The following PLD1 variants were observed in gnomAD, a reference collection of about 807,000 sequenced individuals.
PLD1 encodes the protein phospholipase D1.
PLD1 carries 112 observed loss-of-function variants against 137.1 expected under a neutral mutation model. The ratio of observed to expected loss-of-function variants is 0.82; its 90% CI spans 0.70 to 0.96. The LOEUF (loss-of-function observed/expected upper bound fraction) is 0.96. Ranked by LOEUF, PLD1 falls within the 40% of genes least tolerant of loss-of-function variation. PLD1 has a pLI of 0.00. For missense variants in PLD1, 1,321 were observed against 1,342.0 expected (o/e 0.98, Z 0.24); for synonymous variants, 431 against 454.7 (o/e 0.95, Z 0.66).
At chr3:171,803,662 G>A (rs1375305194) in intron 1 of PLD1, among the ~76,000 whole-genome samples, 1 of 152,186 alleles carries the variant, frequency 6.6e-6, no homozygotes, top group Non-Finnish European at 1.5e-5. Flanking sequence ...GGACCTGGGA[G>A]GCGGAAGTTG....
At chr3:171,792,503 G>T in intron 1 of PLD1, 1 of 445,728 alleles carries the variant, frequency 2.2e-6, no homozygotes, top group Non-Finnish European at 4.5e-6. Context: ...AGGTGAGAAG[G>T]GGGCCCTCAG....
chr3:171,625,792 C>T (rs1009581584), intron 23 of PLD1, among the ~76,000 whole-genome samples: 5 of 152,218 alleles, frequency 3.3e-5, no homozygotes, highest in African/African-American at 1.2e-4. Context: ...GCTGAGAGTC[C>T]TGTCTGTTAG....
chr3:171,709,870 T>A (rs1156466916), intron 9 of PLD1, among the ~76,000 whole-genome samples, 161 bp from the exon 10 acceptor site: 1 of 152,182 alleles, frequency 6.6e-6, no homozygotes, highest in Non-Finnish European at 1.5e-5. Flanking sequence ...AAAAATATAT[T>A]CAATATAACA....
chr3:171,600,795 C>T lies in PLD1; in HGVS notation c.*2283G>A, dbSNP rs1463324925. On this transcript the variant is annotated 3_prime_UTR_variant, in exon 27 of 27. Transcript: ENST00000351298. ...TAGAAAAGGAACTTGCCATAGAAAG[C>T]AGTAGTAAGACTTCTTATATGAGAC... 6.6e-6 allele frequency: 1 copy of T among 152,104 alleles called. No individual in the cohort carries two copies. The highest frequency in any genetic ancestry group is 1.5e-5 in the Non-Finnish European group (1 of 68,024). The allele number at this position is 152,104 out of a possible 1,614,324, so 9.4% of individuals were successfully genotyped here. A position where few individuals can be genotyped will look rare whatever the true frequency, so the allele number is the denominator to read the frequency against.
chr3:171,758,744 G>C (rs1370155428), intron 1 of PLD1, among the ~76,000 whole-genome samples: 1 of 152,178 alleles, frequency 6.6e-6, no homozygotes, highest in Non-Finnish European at 1.5e-5. Context: ...AAAACCAGCT[G>C]GCTTTGGCTG....
chr3:171,688,289 T>C (rs1714778945), intron 14 of PLD1, among the ~76,000 whole-genome samples: 1 of 152,222 alleles, frequency 6.6e-6, no homozygotes, highest in Non-Finnish European at 1.5e-5. Flanking sequence ...GTAGGAACTT[T>C]CCAAAAACTG....
At chr3:171,645,104 T>A (rs1369005323) in intron 21 of PLD1, 81 bp from the exon 22 acceptor site, 2 of 902,590 alleles carry the variant, frequency 2.2e-6, no homozygotes, top group Non-Finnish European at 3.7e-6. Flanking sequence ...GCAGTTCACA[T>A]GGTTTTTGAG....
rs541615753 is a variant in PLD1, at chr3:171,633,073, T to C, written c.2593+9767A>G. ...ATGGTTCCTAGCCAGAAAGTAGACA[T>C]TTTGGACAAATGCGAGTGTGGCCTG... is the stretch of plus-strand genomic sequence containing the variant. On this transcript the variant is annotated intron_variant, in intron 23 of 26. Coordinates refer to ENST00000351298, the MANE Select transcript of PLD1 (RefSeq NM_002662.5). Among the ~76,000 whole-genome samples the C allele has an allele frequency of 2.2e-4, 33 of 152,318 alleles. No individual in the cohort carries two copies. In the South Asian group the frequency reaches 6.6e-3, roughly 31 times the overall value.
In PLD1 at chr3:171,767,579, A is replaced by C. The variant is rs574645741; in HGVS notation, c.-31-29497T>G. On this transcript the variant is annotated intron_variant, in intron 1 of 26. Coordinates refer to ENST00000351298, the MANE Select transcript of PLD1 (RefSeq NM_002662.5). The stretch of plus-strand genomic sequence containing the variant: ...TTTTCTAATATTGGATTCTATTTTC[A>C]GTTCTTCCCCCTCCACAGCACCTTC... 3.9e-5 allele frequency among the ~76,000 whole-genome samples: 6 copies of C among 152,242 alleles called. No homozygotes were observed. The South Asian group carries it at 1.2e-3, about 32-fold the overall frequency.
intron 8 of PLD1, among the ~76,000 whole-genome samples, chr3:171,717,405 T>C (rs1349082602): frequency 1.3e-5 from 2 of 152,198 alleles, no homozygotes; most frequent in African/African-American, 4.8e-5. Flanking sequence ...GTAATTCTCA[T>C]TGTAGAGATC....
In PLD1 at chr3:171,644,810, C is replaced by G. The variant is rs1578176316; in HGVS notation, c.2543+100G>C. The G allele has an allele frequency of 1.2e-5, 9 of 757,808 alleles. No homozygotes were observed. In the East Asian group the frequency reaches 2.2e-4, roughly 19 times the overall value. The allele number at this position is 757,808 out of a possible 1,614,324, so 46.9% of individuals were successfully genotyped here. On this transcript the variant is annotated intron_variant, in intron 22 of 26. Coordinates refer to ENST00000351298, the MANE Select transcript of PLD1 (RefSeq NM_002662.5). ...TAAAATAAAGTGTTCATTTGTTCCC[C>G]ACTCCACCGAATGGATGTGGAGAAA...
At chr3:171,738,493 A>G (rs898419933) in intron 1 of PLD1, among the ~76,000 whole-genome samples, 2 of 152,188 alleles carry the variant, frequency 1.3e-5, no homozygotes, top group African/African-American at 4.8e-5. Context: ...AACTCTAAAT[A>G]TTTCCTAAAG....
intron 12 of PLD1, among the ~76,000 whole-genome samples, chr3:171,693,276 C>T (rs1039392634): frequency 1.3e-5 from 2 of 152,176 alleles, no homozygotes; most frequent in African/African-American, 2.4e-5. Context: ...GTGCCACACT[C>T]GAACCTTCTT....
At chr3:171,733,074 C>G (rs60663842) in intron 6 of PLD1, among the ~76,000 whole-genome samples, 1,660 of 152,328 alleles carry the variant, frequency 0.011, 37 homozygotes, top group African/African-American at 0.038. Flanking sequence ...CTCCACTCAA[C>G]TGTTTTCATC....
chr3:171,608,706 G>A (rs1732407025), intron 25 of PLD1, among the ~76,000 whole-genome samples: 1 of 152,078 alleles, frequency 6.6e-6, no homozygotes, highest in Non-Finnish European at 1.5e-5. Context: ...CAGATCATCT[G>A]GTTAGTTGAG....
At chr3:171,644,122 C>T (rs1444074781) in intron 22 of PLD1, among the ~76,000 whole-genome samples, 7 of 152,108 alleles carry the variant, frequency 4.6e-5, no homozygotes, top group Non-Finnish European at 8.8e-5. Flanking sequence ...TATCATTCGT[C>T]CTCTCCCACC....
At chr3:171,738,920 G>A (rs1383417213) in intron 1 of PLD1, among the ~76,000 whole-genome samples, 1 of 152,226 alleles carries the variant, frequency 6.6e-6, no homozygotes, top group East Asian at 1.9e-4. Context: ...TGTTTTGCCT[G>A]ATGTAGAAAT....
In PLD1 at chr3:171,602,778, T is replaced by C. The variant is rs946688106; in HGVS notation, c.*300A>G. ...ATCACAGTTACTGGTAAATTCTTGT[T>C]ACAAAGGAAATGGATTTTGGTATAC... On this transcript the variant is annotated 3_prime_UTR_variant, in exon 27 of 27. Coordinates refer to ENST00000351298, the MANE Select transcript of PLD1 (RefSeq NM_002662.5). 2 of 335,686 alleles carry C rather than the reference T, an allele frequency of 6.0e-6. No homozygotes were observed. Among genetic ancestry groups the C allele is most frequent in the African/African-American group, 4.2e-5 (2 of 47,616 alleles). 20.8% of individuals were successfully genotyped at this position (335,686 alleles called of 1,614,324 possible).
intron 23 of PLD1, among the ~76,000 whole-genome samples, chr3:171,623,589 T>A (rs1157629195): frequency 6.6e-6 from 1 of 151,940 alleles, no homozygotes; most frequent in Non-Finnish European, 1.5e-5. Context: ...CCCAAAGTGC[T>A]GGGATTACAG....
Sources: gnomAD v4.1 joint callset for allele counts (sites outside exome capture counted in the v4.1 genomes callset) on GRCh38, gnomAD v4.1.1 for gene constraint, MANE v1.5 for transcripts, NCBI Gene and HGNC (gene_info 2026-07-23, HGNC 2026-07-21) for gene names.